C3orf18: variants seen among roughly 807,000 people sequenced by gnomAD.
C3orf18 encodes the protein uncharacterized protein C3orf18.
C3orf18 carries 12 observed loss-of-function variants against 14.1 expected under a neutral mutation model. That is an observed-to-expected ratio of 0.85 (90% confidence interval 0.55 to 1.38). The LOEUF (loss-of-function observed/expected upper bound fraction) is 1.38. Ranked by LOEUF, C3orf18 falls within the 40% of genes most tolerant of loss-of-function variation. The pLI is 0.00. For missense variants in C3orf18, 196 were observed against 213.9 expected, an observed-to-expected ratio of 0.92 and a Z score of 0.52; for synonymous variants, 82 against 87.9, an observed-to-expected ratio of 0.93 and a Z score of 0.38.
upstream of C3orf18, chr3:50,569,743 G>A (rs964802831): frequency 6.6e-6 from 1 of 152,394 alleles, no homozygotes; most frequent in Admixed American, 6.5e-5. Context: ...TTACACTTCT[G>A]ACTTCGGGCC....
chr3:50,565,865 G>C lies in C3orf18; in HGVS notation c.-162-4C>G. ...GAGCCCCCTGCCTTCCTGGGTGCTA[G>C]AAAGGAAAGAATAAGAAACATGAGG... On this transcript the variant is annotated splice_region_variant and splice_polypyrimidine_tract_variant and intron_variant, in intron 2 of 5. Coordinates refer to ENST00000357203, the MANE Select transcript of C3orf18 (RefSeq NM_016210.5). This position sits in a 1 kb window ranked among gnomAD's most constrained non-coding sequence, Gnocchi z 4.4. 1 of 601,598 alleles carries C rather than the reference G, an allele frequency of 1.7e-6. No individual in the cohort carries two copies. The highest frequency in any genetic ancestry group is 3.0e-6 in the Non-Finnish European group (1 of 338,324). The allele number at this position is 601,598 out of a possible 1,614,324, so 37.3% of individuals were successfully genotyped here.
chr3:50,565,339 C>T lies in C3orf18; in HGVS notation c.234+127G>A, dbSNP rs978676830. ...CTGAGATCAAGCCATTGCACTCCAG[C>T]CTGCATGACAGAGCAAGACTCTGTC... On this transcript the variant is annotated intron_variant, in intron 3 of 5. Coordinates refer to ENST00000357203, the MANE Select transcript of C3orf18 (RefSeq NM_016210.5). The surrounding 1 kb of genome is among the most constrained non-coding windows in gnomAD (Gnocchi z 4.4). 42 of 747,528 alleles carry T rather than the reference C, an allele frequency of 5.6e-5. No homozygotes were observed. In the East Asian group the frequency reaches 1.1e-3, roughly 20 times the overall value. The allele number at this position is 747,528 out of a possible 1,614,324, so 46.3% of individuals were successfully genotyped here.
chr3:50,572,002 C>T (rs2107389856), upstream of C3orf18: 1 of 1,535,148 alleles, frequency 6.5e-7, no homozygotes, highest in Admixed American at 1.9e-5. Flanking sequence ...TCCCAAGGCC[C>T]TGGAGACATG....
chr3:50,565,508 C>T lies in C3orf18; in HGVS notation c.192G>A (p.Leu64=), dbSNP rs1321034435. 1.2e-6 allele frequency: 2 copies of T among 1,614,094 alleles called. No individual in the cohort carries two copies. Among genetic ancestry groups the T allele is most frequent in the South Asian group, 2.2e-5 (2 of 91,080 alleles). The change falls in exon 3 of 6, where the codon CTG becomes CTA. Residue 64 remains leucine (L), a synonymous_variant. Coordinates refer to ENST00000357203, the MANE Select transcript of C3orf18 (RefSeq NM_016210.5). This position sits in a 1 kb window ranked among gnomAD's most constrained non-coding sequence, Gnocchi z 4.4. The stretch of plus-strand genomic sequence containing the variant: ...CTATCACCGTGATGATCCCAAAGGA[C>T]AGAAGCATGGTACCCACGCCGGCCG... ...GGTAGVGTML[L]SFGIITVIGL...
intron 1 of C3orf18, among the ~76,000 whole-genome samples, chr3:50,566,379 G>A (rs1322325613): frequency 2.0e-5 from 3 of 152,014 alleles, no homozygotes; most frequent in Non-Finnish European, 4.4e-5. Flanking sequence ...CTGTGTCTCC[G>A]TTTTCCTGAG....
At chr3:50,574,692 C>T (rs1701379222), upstream of C3orf18, among the ~76,000 whole-genome samples, 1 of 152,208 alleles carries the variant, frequency 6.6e-6, no homozygotes. Flanking sequence ...ACTGCTCACT[C>T]TGTACCTGGC....
At chr3:50,571,421 C>A, upstream of C3orf18, 1 of 988,682 alleles carries the variant, frequency 1.0e-6, no homozygotes, top group Non-Finnish European at 1.5e-6. Flanking sequence ...ACTAAGAGTG[C>A]TTAGCTGAGA....
chr3:50,560,610 G>A (rs1699907998), intron 5 of C3orf18, among the ~76,000 whole-genome samples: 1 of 152,210 alleles, frequency 6.6e-6, no homozygotes, highest in African/African-American at 2.4e-5. Context: ...GCAAGAATTA[G>A]GATTTTCAAT....
At chr3:50,560,842 A>C in intron 5 of C3orf18, 75 bp downstream of exon 5, 2 of 1,461,696 alleles carry the variant, frequency 1.4e-6, no homozygotes, top group Non-Finnish European at 1.9e-6. Flanking sequence ...AGAAAGCTGC[A>C]TGAGAAAGGA....
chr3:50,561,111 C>T (rs1164601522), intron 4 of C3orf18, 47 bp from the exon 5 acceptor site: 2 of 1,590,976 alleles, frequency 1.3e-6, no homozygotes, highest in Non-Finnish European at 1.7e-6. Context: ...GGCCCTTCCC[C>T]TCCCAGCAGC....
chr3:50,571,296 T>C (rs1004064524), upstream of C3orf18: 2 of 1,610,452 alleles, frequency 1.2e-6, no homozygotes, highest in African/African-American at 2.7e-5. Context: ...GGGAATCCAG[T>C]GAGTACATCG....
chr3:50,568,911 G>A (rs1700578805), upstream of C3orf18, among the ~76,000 whole-genome samples: 1 of 152,184 alleles, frequency 6.6e-6, no homozygotes, highest in Admixed American at 6.5e-5. Context: ...ATAGAGTCAA[G>A]ATTCGAATCG....
intron 3 of C3orf18, among the ~76,000 whole-genome samples, chr3:50,564,181 C>T (rs1311595053): frequency 6.6e-6 from 1 of 152,254 alleles, no homozygotes; most frequent in Non-Finnish European, 1.5e-5. Flanking sequence ...CCAAGGCCAG[C>T]CATCAGAGCC....
At chr3:50,563,080 C>T (rs185362235) in intron 3 of C3orf18, among the ~76,000 whole-genome samples, 8 of 152,304 alleles carry the variant, frequency 5.3e-5, no homozygotes, top group Admixed American at 4.6e-4. Flanking sequence ...CCAAATCCTC[C>T]CACATTCTTT....
Position 50,559,226 on chromosome 3 carries a change from G to C in C3orf18, c.*431C>G. On this transcript the variant is annotated 3_prime_UTR_variant, in exon 6 of 6. Transcript: ENST00000357203. ...TGGGTGGTTTCCTCTCCCCACCCCA[G>C]AGGAGGCTCCAGATTCCAAAAAACA... is the stretch of plus-strand genomic sequence containing the variant. 7.8e-7 allele frequency: 1 copy of C among 1,284,962 alleles called. No homozygotes were observed. Among genetic ancestry groups the C allele is most frequent in the Non-Finnish European group, 1.0e-6 (1 of 987,234 alleles). The allele number at this position is 1,284,962 out of a possible 1,614,324, so 79.6% of individuals were successfully genotyped here. A position where few individuals can be genotyped will look rare whatever the true frequency, so the allele number is the denominator to read the frequency against.
chr3:50,565,603 C>G lies in C3orf18; in HGVS notation c.97G>C (p.Glu33Gln), dbSNP rs200948192. Reference protein sequence around the residue: ...LEPATDGPASETTTLSPEATT... With the variant: ...LEPATDGPASQTTTLSPEATT... ...GCCTCTGGGCTGAGGGTAGTGGTCT[C>G]GGAGGCTGGCCCATCTGTGGCAGGT... The change falls in exon 3 of 6, where the codon GAG becomes CAG. Residue 33 changes from glutamate to glutamine, a missense_variant. Transcript: ENST00000357203. This position sits in a 1 kb window ranked among gnomAD's most constrained non-coding sequence, Gnocchi z 4.4. The G allele has an allele frequency of 1.2e-6, 2 of 1,613,900 alleles. No homozygotes were observed. Among genetic ancestry groups the G allele is most frequent in the Non-Finnish European group, 8.5e-7 (1 of 1,180,012 alleles).
At chr3:50,571,050 A>G, upstream of C3orf18, 5 of 1,378,166 alleles carry the variant, frequency 3.6e-6, no homozygotes, top group Non-Finnish European at 3.0e-6. Context: ...AGCAGCTGAC[A>G]TCATAAAGCA....
Position 50,561,022 on chromosome 3 carries a change from G to A in C3orf18, c.303C>T (p.Phe101=), listed in dbSNP as rs374008666. 12 of 1,614,038 alleles carry A rather than the reference G, an allele frequency of 7.4e-6. No homozygotes were observed. The highest frequency in any genetic ancestry group is 6.7e-5 in the East Asian group (3 of 44,896). Residue 101 remains phenylalanine, a synonymous_variant, in exon 5 of 6, where the codon TTC becomes TTT. Transcript: ENST00000357203. ...ACTCATCTTGTTCCTCCGTGGGGTCGAAGTTGTACATGGGCATGAGCTGGT... is the reference window on the plus strand; with the variant it reads ...ACTCATCTTGTTCCTCCGTGGGGTCAAAGTTGTACATGGGCATGAGCTGGT... ...LRHQLMPMYN[F]DPTEEQDELE...
chr3:50,558,956 G>A lies in C3orf18; in HGVS notation c.*701C>T, dbSNP rs1218980979. The A allele has an allele frequency of 7.8e-7, 1 of 1,287,422 alleles. No homozygotes were observed. Among genetic ancestry groups the A allele is most frequent in the Admixed American group, 2.3e-5 (1 of 43,492 alleles). 79.7% of individuals were successfully genotyped at this position (1,287,422 alleles called of 1,614,324 possible). On this transcript the variant is annotated 3_prime_UTR_variant, in exon 6 of 6. Coordinates refer to ENST00000357203, the MANE Select transcript of C3orf18 (RefSeq NM_016210.5). Reference sequence around the variant, plus strand: ...GAGGCCTCTCGGCAGGTCTGGGGGGGCTGCATCCTTCCACTTCCATTCCCC... The same window carrying A: ...GAGGCCTCTCGGCAGGTCTGGGGGGACTGCATCCTTCCACTTCCATTCCCC...
Sources: gnomAD v4.1 joint callset for allele counts (sites outside exome capture counted in the v4.1 genomes callset) on GRCh38, gnomAD v4.1.1 for gene constraint, Gnocchi (gnomAD v3.1) non-coding constraint, MANE v1.5 for transcripts, NCBI Gene and HGNC (gene_info 2026-07-23, HGNC 2026-07-21) for gene names.